The following BCL11B variants were observed in gnomAD, a reference collection of about 807,000 sequenced individuals.
BCL11B encodes B-cell lymphoma/leukemia 11B.
BCL11B carries 8 observed loss-of-function variants against 49.9 expected under a neutral mutation model. The observed-to-expected ratio is 0.16, with a 90% confidence interval of 0.09 to 0.29. BCL11B has a LOEUF of 0.29. Ranked by LOEUF, BCL11B falls within the 10% of genes least tolerant of loss-of-function variation. BCL11B has a pLI of 1.00. For missense variants in BCL11B, 1,006 were observed against 1,351.0 expected (o/e 0.74, Z 4.00); for synonymous variants, 739 against 637.4 (o/e 1.16, Z -2.40).
chr14:99,271,613 CTGCT>C lies in BCL11B; in HGVS notation c.-399_-396del. 1 of 195,140 alleles carries C rather than the reference CTGCT, an allele frequency of 5.1e-6. No individual in the cohort carries two copies. Among genetic ancestry groups the C allele is most frequent in the South Asian group, 1.9e-4 (1 of 5,212 alleles). The allele number at this position is 195,140 out of a possible 1,614,324, so 12.1% of individuals were successfully genotyped here. A position where few individuals can be genotyped will look rare whatever the true frequency, so the allele number is the denominator to read the frequency against. Reference sequence around the variant, plus strand: ...AAAAAATCTCTTACACTTCTTCAAACTGCTTGGCCTCTTGCACTTGCAAATGTCT... The same window carrying C: ...AAAAAATCTCTTACACTTCTTCAAACTGGCCTCTTGCACTTGCAAATGTCT... On this transcript the variant is annotated 5_prime_UTR_variant, in exon 1 of 4. Coordinates refer to ENST00000357195, the MANE Select transcript of BCL11B (RefSeq NM_138576.4).
Position 99,175,152 on chromosome 14 carries a change from G to T in BCL11B, c.1684C>A (p.Leu562Met). ...PESSFSMDSE[L>M]SRNRENGGGG... The stretch of plus-strand genomic sequence containing the variant: ...CCGCCGTTCTCGCGGTTGCGGCTCA[G>T]CTCCGAGTCCATGCTGAAGCTCGAC... Residue 562 changes from leucine to methionine, a missense_variant, in exon 4 of 4, where the codon CTG becomes ATG. Leu to Met is a conservative substitution (Grantham distance 15). Transcript: ENST00000357195. 1 of 1,594,640 alleles carries T rather than the reference G, an allele frequency of 6.3e-7. No homozygotes were observed.
Position 99,174,180 on chromosome 14 carries a change from C to T in BCL11B, c.2656G>A (p.Val886Ile), listed in dbSNP as rs2139752290. ...WHGEHLLTND[V>I]KIEQAERS is the part of the protein sequence containing the mutation. Reference sequence around the variant, plus strand: ...CTCCTCTCGGCCTGCTCGATTTTGACGTCGTTAGTCAGCAAGTGCTCGCCG... The same window carrying T: ...CTCCTCTCGGCCTGCTCGATTTTGATGTCGTTAGTCAGCAAGTGCTCGCCG... Residue 886 changes from valine (V) to isoleucine (I), a missense_variant, in exon 4 of 4, where the codon GTC (valine) becomes ATC (isoleucine). This residue lies in a region of BCL11B where 16 missense variants were observed against 24.1 expected (regional missense o/e 0.67). Coordinates refer to ENST00000357195, the MANE Select transcript of BCL11B (RefSeq NM_138576.4). The T allele has an allele frequency of 6.2e-7, 1 of 1,613,358 alleles. No homozygotes were observed. The highest frequency in any genetic ancestry group is 8.5e-7 in the Non-Finnish European group (1 of 1,179,996).
In BCL11B at chr14:99,271,159, AC is replaced by A. The variant is rs1275342996; in HGVS notation, c.58+1del. 6.4e-7 allele frequency: 1 copy of A among 1,552,976 alleles called. No homozygotes were observed. The highest frequency in any genetic ancestry group is 1.9e-5 in the Admixed American group (1 of 53,962). On this transcript the variant is annotated splice_donor_variant, in intron 1 of 3. Transcript: ENST00000357195. LOFTEE classifies it high-confidence loss of function. ...CCTCGCGCGCACTCCGCAGACACTT[AC>A]GGGTGATGAGCTCCCTCTGGGACAA...
Position 99,257,762 on chromosome 14 carries a change from G to C in BCL11B, c.136C>G (p.Leu46Val). 1 of 1,603,264 alleles carries C rather than the reference G, an allele frequency of 6.2e-7. No homozygotes were observed. Among genetic ancestry groups the C allele is most frequent in the African/African-American group, 1.3e-5 (1 of 74,774 alleles). ...LEIEEPSGLG[L>V]MVGGPDPDLL... ...TCAGGGTCGGGGCCACCCACCATCA[G>C]CCCCAGGCCACTTGGCTCCTCTATC... The change falls in exon 2 of 4, where the codon CTG (leucine) becomes GTG (valine). Residue 46 changes from leucine to valine, a missense_variant. Around this residue, in one of 6 missense-constraint regions of BCL11B, gnomAD observed 411 missense variants for 542.2 expected, o/e 0.76. Coordinates refer to ENST00000357195, the MANE Select transcript of BCL11B (RefSeq NM_138576.4). This position sits in a 1 kb window ranked among gnomAD's most constrained non-coding sequence, Gnocchi z 6.2.
chr14:99,191,069 T>G (rs1887013776), intron 3 of BCL11B, among the ~76,000 whole-genome samples: 1 of 152,204 alleles, frequency 6.6e-6, no homozygotes, highest in South Asian at 2.1e-4. Context: ...TAGATACTAA[T>G]ATTCCCCCAG....
intron 3 of BCL11B, among the ~76,000 whole-genome samples, chr14:99,187,269 C>G (rs539575445): frequency 6.6e-5 from 10 of 152,166 alleles, no homozygotes; most frequent in Non-Finnish European, 1.3e-4. Context: ...CGGGGCAGGA[C>G]GCACAGAGCA....
At chr14:99,230,589 G>A (rs914316709) in intron 3 of BCL11B, among the ~76,000 whole-genome samples, 1 of 152,210 alleles carries the variant, frequency 6.6e-6, no homozygotes, top group Non-Finnish European at 1.5e-5. Flanking sequence ...GGCAGAATAA[G>A]ATCTTGGGTT....
chr14:99,261,185 T>C (rs1424709231), intron 1 of BCL11B, among the ~76,000 whole-genome samples: 1 of 152,100 alleles, frequency 6.6e-6, no homozygotes, highest in Non-Finnish European at 1.5e-5. Flanking sequence ...CAGCCCCAAA[T>C]TTCTGGGTCA....
chr14:99,261,326 A>C (rs1401631916), intron 1 of BCL11B, among the ~76,000 whole-genome samples: 1 of 152,094 alleles, frequency 6.6e-6, no homozygotes. Flanking sequence ...ATATGTGTGC[A>C]TGTGTCCCTC....
intron 2 of BCL11B, among the ~76,000 whole-genome samples, chr14:99,243,918 T>TAAAAA (rs200999902): frequency 3.1e-5 from 4 of 128,172 alleles, no homozygotes; most frequent in African/African-American, 1.1e-4. Flanking sequence ...ACATTGCTCC[T>TAAAAA]AAAAAAAAAA....
intron 2 of BCL11B, among the ~76,000 whole-genome samples, chr14:99,246,318 G>A (rs890559104): frequency 1.3e-5 from 2 of 152,194 alleles, no homozygotes; most frequent in African/African-American, 4.8e-5. Flanking sequence ...CATGGACCTT[G>A]AGCCCTCTCG....
At chr14:99,226,099 T>C (rs1271031894) in intron 3 of BCL11B, among the ~76,000 whole-genome samples, 1 of 152,194 alleles carries the variant, frequency 6.6e-6, no homozygotes, top group Non-Finnish European at 1.5e-5. Flanking sequence ...GAAGGCTGGG[T>C]TGCAGATGCT....
At chr14:99,229,428 C>T (rs1041153472) in intron 3 of BCL11B, among the ~76,000 whole-genome samples, 3 of 152,154 alleles carry the variant, frequency 2.0e-5, no homozygotes, top group Non-Finnish European at 4.4e-5. Context: ...GCAGAGGCAG[C>T]GTGGCTCCAC....
chr14:99,220,919 C>T lies in BCL11B; in HGVS notation c.640+10426G>A, dbSNP rs1257445. Among the ~76,000 whole-genome samples the T allele has an allele frequency of 6.0e-3, 918 of 152,212 alleles. 7 individuals carry two copies. Among genetic ancestry groups the T allele is most frequent in the African/African-American group, 0.021 (864 of 41,526 alleles). ...AGGCTGGAGTGCAATGCTGTGATCTCGGCTCACTGCAACCTCCACCTCCCG... is the reference window on the plus strand; with the variant it reads ...AGGCTGGAGTGCAATGCTGTGATCTTGGCTCACTGCAACCTCCACCTCCCG... On this transcript the variant is annotated intron_variant, in intron 3 of 3. Transcript: ENST00000357195.
rs1889708569 is a variant in BCL11B at position 99,272,151 on chromosome 14, G to A, written c.-933C>T. Among the ~76,000 whole-genome samples the A allele has an allele frequency of 1.3e-5, 2 of 152,254 alleles. No homozygotes were observed. Among genetic ancestry groups the A allele is most frequent in the Admixed American group, 6.5e-5 (1 of 15,300 alleles). On this transcript the variant is annotated 5_prime_UTR_variant, in exon 1 of 4. Transcript: ENST00000357195. This position sits in a 1 kb window ranked among gnomAD's most constrained non-coding sequence, Gnocchi z 6.0. Reference sequence around the variant, plus strand: ...TGGGAGCTATAGATTGCAACGTGAAGATGGCGGAGTCCGGGTTCTCTGGGA... The same window carrying A: ...TGGGAGCTATAGATTGCAACGTGAAAATGGCGGAGTCCGGGTTCTCTGGGA...
Position 99,175,103 on chromosome 14 carries a change from C to T in BCL11B, c.1733G>A (p.Gly578Asp). 6.3e-7 allele frequency: 1 copy of T among 1,595,398 alleles called. No homozygotes were observed. The change falls in exon 4 of 4, where the codon GGC becomes GAC. Residue 578 changes from glycine (G) to aspartate (D), a missense_variant. Gly to Asp is a moderately conservative substitution (Grantham distance 94, BLOSUM62 -1). Around this residue, in one of 6 missense-constraint regions of BCL11B, gnomAD observed 443 missense variants for 499.7 expected, o/e 0.89. Transcript: ENST00000357195. Reference protein sequence around the residue: ...NGGGGVPGVPGAGGGAAKALA... With the variant: ...NGGGGVPGVPDAGGGAAKALA... ...CGCCTTGGCCGCGCCGCCCCCCGCGCCCGGGACCCCGGGCACCCCACCACC... is the reference window on the plus strand; with the variant it reads ...CGCCTTGGCCGCGCCGCCCCCCGCGTCCGGGACCCCGGGCACCCCACCACC...
chr14:99,175,241 T>C lies in BCL11B; in HGVS notation c.1595A>G (p.Glu532Gly). 6.5e-7 allele frequency: 1 copy of C among 1,546,800 alleles called. No individual in the cohort carries two copies. The highest frequency in any genetic ancestry group is 8.7e-7 in the Non-Finnish European group (1 of 1,149,690). ...CTCCTCCTCCTCCTCCTCGTCCTCC[T>C]CCTCCGGCTCGTGGCCCAGCGACGG... ...SDPSLGHEPE[E>G]EDEEEEEEEE... Residue 532 changes from glutamate (E) to glycine (G), a missense_variant, in exon 4 of 4, where the codon GAG becomes GGG. Physicochemically the swap from Glu to Gly is moderately conservative, Grantham distance 98. Around this residue, in one of 6 missense-constraint regions of BCL11B, gnomAD observed 443 missense variants for 499.7 expected, o/e 0.89. Transcript: ENST00000357195.
At chr14:99,258,437 C>G (rs1300996763) in intron 1 of BCL11B, among the ~76,000 whole-genome samples, 1 of 152,150 alleles carries the variant, frequency 6.6e-6, no homozygotes, top group African/African-American at 2.4e-5. Context: ...ATGCCCTCCC[C>G]ATTCATGCGA....
rs566919180 is a variant in BCL11B, at chr14:99,171,999, C to T, written c.*2152G>A. Reference sequence around the variant, plus strand: ...TCACCAAAAGAAAACAATATACACGCGGCCACTGTGGCATTTTTGTATAAC... The same window carrying T: ...TCACCAAAAGAAAACAATATACACGTGGCCACTGTGGCATTTTTGTATAAC... On this transcript the variant is annotated 3_prime_UTR_variant, in exon 4 of 4. Coordinates refer to ENST00000357195, the MANE Select transcript of BCL11B (RefSeq NM_138576.4). 3.4e-5 allele frequency: 7 copies of T among 206,942 alleles called. No individual in the cohort carries two copies. Among genetic ancestry groups the T allele is most frequent in the Non-Finnish European group, 6.9e-5 (7 of 101,520 alleles). The allele number at this position is 206,942 out of a possible 1,614,324, so 12.8% of individuals were successfully genotyped here. A position where few individuals can be genotyped will look rare whatever the true frequency, so the allele number is the denominator to read the frequency against.
Sources: allele counts gnomAD v4.1 joint callset (sites outside exome capture counted in the v4.1 genomes callset), GRCh38; gene constraint gnomAD v4.1.1; regional missense constraint gnomAD v4.1.1; non-coding constraint Gnocchi (gnomAD v3.1); transcripts MANE v1.5; gene names NCBI Gene and HGNC (gene_info 2026-07-23, HGNC 2026-07-21).